Variants in CTNNA2 observed in about 807,000 individuals in gnomAD.
The protein encoded by CTNNA2 is catenin alpha-2.
In CTNNA2, 42 loss-of-function variants were observed where a neutral mutation model predicts 101.0. The ratio of observed to expected loss-of-function variants is 0.42; its 90% CI spans 0.32 to 0.54. The LOEUF (loss-of-function observed/expected upper bound fraction) is 0.54, where lower values mean the gene tolerates loss of function less well. CTNNA2 is among the 20% of genes least tolerant of loss of function. CTNNA2 has a pLI of 0.14. For synonymous variants in CTNNA2, 450 were observed against 456.4 expected (o/e 0.99, Z 0.18); for missense variants, 871 against 1,223.1 (o/e 0.71, Z 4.29).
intron 7 of CTNNA2, among the ~76,000 whole-genome samples, chr2:80,282,050 G>A (rs1414607320): frequency 1.3e-5 from 2 of 151,978 alleles, no homozygotes; most frequent in Non-Finnish European, 2.9e-5. Context: ...GCTAGCAACT[G>A]TTTCTTATGA....
intron 3 of CTNNA2, among the ~76,000 whole-genome samples, chr2:79,833,862 G>A (rs777381029): frequency 2.0e-5 from 3 of 152,088 alleles, no homozygotes; most frequent in Non-Finnish European, 2.9e-5. Flanking sequence ...ATTTTCATTA[G>A]TAATATTATA....
intron 7 of CTNNA2, among the ~76,000 whole-genome samples, chr2:80,187,748 T>C (rs1056726971): frequency 1.3e-5 from 2 of 152,168 alleles, no homozygotes; most frequent in Non-Finnish European, 2.9e-5. Flanking sequence ...AGAATGATGC[T>C]TATAGTTATC....
intron 1 of CTNNA2, among the ~76,000 whole-genome samples, chr2:79,545,334 A>G (rs1673664634): frequency 1.3e-5 from 2 of 152,196 alleles, no homozygotes; most frequent in African/African-American, 2.4e-5. Flanking sequence ...CAGTTGAGTT[A>G]CAGTAAGAGG....
chr2:79,892,395 G>A (rs975764644), intron 6 of CTNNA2, among the ~76,000 whole-genome samples: 25 of 151,618 alleles, frequency 1.6e-4, no homozygotes, highest in Non-Finnish European at 1.3e-4. Context: ...ATTCATGCAC[G>A]CCTATTCTCA....
intron 7 of CTNNA2, among the ~76,000 whole-genome samples, chr2:80,327,485 G>A (rs1299865698): frequency 6.6e-6 from 1 of 152,096 alleles, no homozygotes; most frequent in Non-Finnish European, 1.5e-5. Context: ...AGAGGCTAAA[G>A]TGTGGAGCAA....
intron 1 of CTNNA2, among the ~76,000 whole-genome samples, chr2:79,539,215 A>C (rs1217312119): frequency 6.6e-6 from 1 of 152,158 alleles, no homozygotes; most frequent in Admixed American, 6.6e-5. Flanking sequence ...GAAATATATT[A>C]ATAGGAGTGA....
chr2:79,624,022 C>T lies in CTNNA2; in HGVS notation c.-5-27530C>T, dbSNP rs1025672465. On this transcript the variant is annotated intron_variant, in intron 1 of 18. Coordinates refer to ENST00000402739, the MANE Select transcript of CTNNA2 (RefSeq NM_001282597.3). ...TCCCCCGTACAGTCTCTCTCTTTCC[C>T]CCATGCTCTCTTTCCCCTTGCCCAC... 2.6e-5 allele frequency among the ~76,000 whole-genome samples: 4 copies of T among 151,898 alleles called. No individual in the cohort carries two copies. In the South Asian group the frequency reaches 6.2e-4, roughly 24 times the overall value.
At chr2:80,134,304 G>C (rs1267619300) in intron 7 of CTNNA2, among the ~76,000 whole-genome samples, 1 of 152,012 alleles carries the variant, frequency 6.6e-6, no homozygotes, top group Admixed American at 6.6e-5. Flanking sequence ...TAAGAAGAGG[G>C]GCATGGAGGG....
chr2:79,612,074 C>T (rs1270423343), intron 1 of CTNNA2, among the ~76,000 whole-genome samples: 1 of 152,100 alleles, frequency 6.6e-6, no homozygotes, highest in African/African-American at 2.4e-5. Flanking sequence ...ATGCTCAGCA[C>T]GTTTTCCACT....
intron 7 of CTNNA2, chr2:80,328,147 C>T: frequency 2.5e-6 from 1 of 395,236 alleles, no homozygotes. Context: ...ACTCTTTGTC[C>T]CTGTCTCCTC....
intron 9 of CTNNA2, among the ~76,000 whole-genome samples, chr2:80,445,826 T>C (rs908159797): frequency 1.3e-5 from 2 of 152,182 alleles, no homozygotes; most frequent in Non-Finnish European, 2.9e-5. Context: ...TTTTATTTAC[T>C]TGGGATTATG....
At chr2:80,026,051 C>T (rs1375451813) in intron 7 of CTNNA2, among the ~76,000 whole-genome samples, 1 of 151,986 alleles carries the variant, frequency 6.6e-6, no homozygotes, top group Non-Finnish European at 1.5e-5. Context: ...AGAGGGTGAG[C>T]TGGGATATGT....
At chr2:80,613,220 T>C (rs1698604136) in intron 17 of CTNNA2, among the ~76,000 whole-genome samples, 1 of 151,498 alleles carries the variant, frequency 6.6e-6, no homozygotes, top group Admixed American at 6.6e-5. Context: ...TAAATTCTGA[T>C]TCCTGCATTA....
intron 7 of CTNNA2, among the ~76,000 whole-genome samples, chr2:80,196,322 A>G (rs982736544): frequency 6.6e-6 from 1 of 152,108 alleles, no homozygotes; most frequent in Non-Finnish European, 1.5e-5. Context: ...TAGGATATTA[A>G]ATGCATTGCC....
intron 2 of CTNNA2, among the ~76,000 whole-genome samples, chr2:79,217,863 A>C (rs1351193351): frequency 6.6e-6 from 1 of 152,222 alleles, no homozygotes; most frequent in Admixed American, 6.5e-5. Flanking sequence ...TCTAGACACT[A>C]AACTTCTTGA....
At chr2:79,884,454 A>T (rs1364343873) in intron 6 of CTNNA2, among the ~76,000 whole-genome samples, 4 of 152,006 alleles carry the variant, frequency 2.6e-5, no homozygotes, top group Non-Finnish European at 4.4e-5. Context: ...ACTGTCACTC[A>T]CTCACAAAAT....
intron 2 of CTNNA2, among the ~76,000 whole-genome samples, chr2:79,738,881 C>G (rs1408147429): frequency 6.6e-6 from 1 of 152,130 alleles, no homozygotes; most frequent in Non-Finnish European, 1.5e-5. Context: ...AATTTCTTAA[C>G]TTGGCTTTCA....
At position 80,601,417 on chromosome 2, in the gene CTNNA2, C is replaced by CTT. The variant is rs375645223; in HGVS notation, c.2190-2655_2190-2654dup. 3.7e-3 allele frequency among the ~76,000 whole-genome samples: 349 copies of CTT among 94,138 alleles called. 11 individuals carry two copies. The highest frequency in any genetic ancestry group is 0.012 in the African/African-American group (306 of 25,704). 61.8% of individuals were successfully genotyped at this position (94,138 alleles called of 152,430 possible). On this transcript the variant is annotated intron_variant, in intron 15 of 18. Transcript: ENST00000402739. The stretch of plus-strand genomic sequence containing the variant: ...GATTTAATGACTTTTTTCTTTCTTT[C>CTT]TTTCTTTTTTTTTTTTTTTGATGAG...
chr2:79,425,541 G>C (rs574544137), intron 4 of CTNNA2, among the ~76,000 whole-genome samples: 11 of 152,128 alleles, frequency 7.2e-5, no homozygotes, highest in Non-Finnish European at 1.6e-4. Flanking sequence ...ATGGAAGGCA[G>C]AAGGGCAAGT....
Sources: gnomAD v4.1 joint callset for allele counts (sites outside exome capture counted in the v4.1 genomes callset) on GRCh38, gnomAD v4.1.1 for gene constraint, MANE v1.5 for transcripts, NCBI Gene and HGNC (gene_info 2026-07-23, HGNC 2026-07-21) for gene names.